The following HERC3 variants were observed in gnomAD, a reference collection of about 807,000 sequenced individuals.
HERC3 encodes probable E3 ubiquitin-protein ligase HERC3.
A neutral mutation model predicts 129.9 loss-of-function variants in HERC3; 58 were observed. The observed-to-expected ratio is 0.45, with a 90% CI of 0.36 to 0.56. The LOEUF (loss-of-function observed/expected upper bound fraction) is 0.56, where lower values mean the gene tolerates loss of function less well. Among genes scored for constraint, HERC3 ranks in the 20% least tolerant of loss-of-function variants. The probability of loss-of-function intolerance (pLI) is 0.00; values close to 1 mark genes in which losing one functional copy is unlikely to be tolerated. For missense variants in HERC3, 835 were observed against 1,244.2 expected, an observed-to-expected ratio of 0.67 and a Z score of 4.95; for synonymous variants, 430 against 451.0, an observed-to-expected ratio of 0.95 and a Z score of 0.59.
intron 23 of HERC3, chr4:88,690,041 A>G: frequency 2.0e-6 from 2 of 985,330 alleles, no homozygotes; most frequent in Non-Finnish European, 2.4e-6. Flanking sequence ...TGCAGAAGCC[A>G]CCCAGACACC....
At chr4:88,556,452 G>GA in the HERC3 span, among the ~76,000 whole-genome samples, 10 of 152,022 alleles carry the variant, frequency 6.6e-5, no homozygotes, top group African/African-American at 2.4e-4. Context: ...CCCATTTAAA[G>GA]AAAAAAAGCA....
rs992186969 is a variant in HERC3, at chr4:88,692,838, A to G, written c.2657+5539A>G. 6 of 950,506 alleles carry G rather than the reference A, an allele frequency of 6.3e-6. No individual in the cohort carries two copies. In the African/African-American group the frequency reaches 7.1e-5, roughly 11 times the overall value. The allele number at this position is 950,506 out of a possible 1,614,324, so 58.9% of individuals were successfully genotyped here. ...AGTTAGACTGCGCTCCATGGGTACC[A>G]GCATATGGCCTCTCAGGGGCTAAGG... On this transcript the variant is annotated intron_variant, in intron 23 of 25. Transcript: ENST00000402738.
intron 3 of HERC3, among the ~76,000 whole-genome samples, chr4:88,637,381 G>A (rs908033102): frequency 3.3e-5 from 5 of 152,102 alleles, no homozygotes; most frequent in Non-Finnish European, 4.4e-5. Flanking sequence ...AGCCGAGATC[G>A]CGCCACTGCA....
chr4:88,558,669 A>C, the HERC3 span, among the ~76,000 whole-genome samples: 1 of 152,142 alleles, frequency 6.6e-6, no homozygotes, highest in African/African-American at 2.4e-5. Flanking sequence ...AATTTTAGAA[A>C]TTCTCATTGA....
rs576303345 is a variant in HERC3 at position 88,683,707 on chromosome 4, G to A, written c.2507+2382G>A. On this transcript the variant is annotated intron_variant, in intron 21 of 25. Transcript: ENST00000402738. Reference sequence around the variant, plus strand: ...TTCTCTTGAGAGCTGGGATATGATTGTTGTTGCCATAAACATATTCTTCTT... The same window carrying A: ...TTCTCTTGAGAGCTGGGATATGATTATTGTTGCCATAAACATATTCTTCTT... Among the ~76,000 whole-genome samples the A allele has an allele frequency of 1.2e-3, 189 of 152,280 alleles. 1 individual carries two copies. The South Asian group carries it at 0.013, about 10-fold the overall frequency.
At chr4:88,630,729 T>C (rs1218011952) in intron 3 of HERC3, among the ~76,000 whole-genome samples, 2 of 152,246 alleles carry the variant, frequency 1.3e-5, no homozygotes, top group Non-Finnish European at 2.9e-5. Flanking sequence ...AACAAAATTA[T>C]ATATACTACT....
chr4:88,697,711 G>A (rs751084080), intron 23 of HERC3: 7 of 1,611,704 alleles, frequency 4.3e-6, no homozygotes, highest in African/African-American at 4.0e-5. Context: ...CGCTGCCGCC[G>A]CCTGGCTAGG....
intron 3 of HERC3, among the ~76,000 whole-genome samples, chr4:88,610,121 G>A (rs1349768225): frequency 6.6e-6 from 1 of 152,108 alleles, no homozygotes; most frequent in Non-Finnish European, 1.5e-5. Context: ...TTTATGACCT[G>A]TATTTTTTGT....
At chr4:88,544,219 T>G in the HERC3 span, among the ~76,000 whole-genome samples, 1 of 151,990 alleles carries the variant, frequency 6.6e-6, no homozygotes, top group East Asian at 1.9e-4. Context: ...AAAACAAATT[T>G]ACAAGAAAAA....
the HERC3 span, among the ~76,000 whole-genome samples, chr4:88,561,933 G>C: frequency 6.6e-6 from 1 of 152,078 alleles, no homozygotes; most frequent in East Asian, 1.9e-4. Context: ...CTTAGTTATT[G>C]TGAATACTGC....
At chr4:88,661,113 G>T (rs557609806) in intron 10 of HERC3, among the ~76,000 whole-genome samples, 1 of 152,246 alleles carries the variant, frequency 6.6e-6, no homozygotes, top group South Asian at 2.1e-4. Flanking sequence ...TTTATTGTAG[G>T]TTTGTGTTAG....
chr4:88,541,672 C>T, the HERC3 span, among the ~76,000 whole-genome samples: 5 of 152,188 alleles, frequency 3.3e-5, no homozygotes, highest in Non-Finnish European at 7.3e-5. Context: ...CGCACTTATT[C>T]TAAAATTGAC....
the HERC3 span, among the ~76,000 whole-genome samples, chr4:88,543,405 C>A: frequency 1.3e-5 from 2 of 152,094 alleles, no homozygotes; most frequent in Non-Finnish European, 2.9e-5. Context: ...TCAAGGAGAA[C>A]TACAAACCAC....
chr4:88,697,519 C>T (rs1734744454), intron 23 of HERC3: 1 of 1,614,042 alleles, frequency 6.2e-7, no homozygotes, highest in South Asian at 1.1e-5. Flanking sequence ...CAGGACTCGG[C>T]ATTTCACCGA....
chr4:88,589,580 T>A (rs1312959202), upstream of HERC3, among the ~76,000 whole-genome samples: 1 of 152,158 alleles, frequency 6.6e-6, no homozygotes, highest in Non-Finnish European at 1.5e-5. Flanking sequence ...AGTACGTTTG[T>A]TAGAGAATAT....
At chr4:88,702,266 T>G (rs886194985) in intron 23 of HERC3, among the ~76,000 whole-genome samples, 2 of 152,264 alleles carry the variant, frequency 1.3e-5, no homozygotes, top group Non-Finnish European at 2.9e-5. Context: ...AGCCTTGGTT[T>G]AAGCACTCTT....
chr4:88,694,390 A>T (rs888665594), intron 23 of HERC3, among the ~76,000 whole-genome samples: 2 of 152,166 alleles, frequency 1.3e-5, no homozygotes, highest in Admixed American at 6.5e-5. Flanking sequence ...TATTTATTGT[A>T]GGTTTTATCC....
the HERC3 span, among the ~76,000 whole-genome samples, chr4:88,585,184 TC>T: frequency 3.9e-5 from 6 of 152,194 alleles, no homozygotes; most frequent in Non-Finnish European, 8.8e-5. Context: ...AGGGCTCAAC[TC>T]TCATGATGTA....
chr4:88,539,540 C>T, the HERC3 span, among the ~76,000 whole-genome samples: 2 of 152,202 alleles, frequency 1.3e-5, no homozygotes, highest in Non-Finnish European at 2.9e-5. Context: ...ACTTAAACGT[C>T]CCTGTCTGAC....
Sources: gnomAD v4.1 joint callset for allele counts (sites outside exome capture counted in the v4.1 genomes callset) on GRCh38, gnomAD v4.1.1 for gene constraint, MANE v1.5 for transcripts, NCBI Gene and HGNC (gene_info 2026-07-23, HGNC 2026-07-21) for gene names.